Variants in ABCB5 observed in about 807,000 individuals in gnomAD.
ABCB5 encodes ATP-binding cassette sub-family B member 5.
A neutral mutation model predicts 144.2 loss-of-function variants in ABCB5; 155 were observed. The ratio of observed to expected loss-of-function variants is 1.08; its 90% CI spans 0.94 to 1.23. The LOEUF is 1.23. ABCB5 is among the 50% of genes most tolerant of loss of function. ABCB5 has a pLI of 0.00. For synonymous variants in ABCB5, 610 were observed against 528.6 expected (o/e 1.15, Z -2.11); for missense variants, 1,830 against 1,520.8 (o/e 1.20, Z -3.38).
At chr7:20,744,837 C>G (rs1396091642) in intron 25 of ABCB5, among the ~76,000 whole-genome samples, 1 of 151,828 alleles carries the variant, frequency 6.6e-6, no homozygotes, top group African/African-American at 2.4e-5. Context: ...CCACTATTTC[C>G]CTGGTACTGG....
At chr7:20,696,412 A>T (rs1786415391) in intron 16 of ABCB5, among the ~76,000 whole-genome samples, 3 of 152,108 alleles carry the variant, frequency 2.0e-5, no homozygotes, top group African/African-American at 7.2e-5. Flanking sequence ...AGGAGGAAGG[A>T]AGGAAGAGGA....
At chr7:20,726,393 AGTCTCACTCT>A (rs1190564852) in intron 21 of ABCB5, among the ~76,000 whole-genome samples, 2 of 127,950 alleles carry the variant, frequency 1.6e-5, no homozygotes, top group Admixed American at 1.8e-4. Flanking sequence ...GAGACAGAGA[AGTCTCACTCT>A]GTTGCCCAAG....
intron 5 of ABCB5, among the ~76,000 whole-genome samples, chr7:20,639,126 T>C (rs59623110): frequency 0.04 from 6,146 of 152,294 alleles, 392 homozygotes; most frequent in African/African-American, 0.14. Flanking sequence ...GAGCATTTAA[T>C]GTACTTTTTA....
intron 1 of ABCB5, among the ~76,000 whole-genome samples, chr7:20,622,292 C>T (rs1783818917): frequency 6.6e-6 from 1 of 152,078 alleles, no homozygotes; most frequent in Non-Finnish European, 1.5e-5. Flanking sequence ...ACATACATGT[C>T]AGATTACTGG....
At chr7:20,704,880 T>C in intron 20 of ABCB5, 73 bp downstream of exon 20, 1 of 1,244,732 alleles carries the variant, frequency 8.0e-7, no homozygotes, top group African/African-American at 1.5e-5. Flanking sequence ...CATGTGTCTG[T>C]GCATATATGT....
At chr7:20,657,840 T>G (rs1784860323) in intron 13 of ABCB5, among the ~76,000 whole-genome samples, 1 of 152,236 alleles carries the variant, frequency 6.6e-6, no homozygotes, top group South Asian at 2.1e-4. Flanking sequence ...AGAAAGAATA[T>G]TTAAATTTAT....
At chr7:20,666,293 G>C (rs185884211) in intron 14 of ABCB5, among the ~76,000 whole-genome samples, 1 of 152,132 alleles carries the variant, frequency 6.6e-6, no homozygotes. Context: ...TTGTGTTCTC[G>C]TAGGTTTTCT....
intron 16 of ABCB5, among the ~76,000 whole-genome samples, chr7:20,697,177 C>T (rs1786448150): frequency 6.6e-6 from 1 of 152,142 alleles, no homozygotes; most frequent in Non-Finnish European, 1.5e-5. Context: ...TGGATACAAT[C>T]AAATTATTAA....
intron 20 of ABCB5, among the ~76,000 whole-genome samples, chr7:20,716,887 G>T (rs1203969954): frequency 2.0e-5 from 3 of 152,042 alleles, no homozygotes; most frequent in Non-Finnish European, 4.4e-5. Flanking sequence ...AAAGCGTGCC[G>T]AACCCCAGCG....
At chr7:20,655,428 G>A (rs745713440) in intron 13 of ABCB5, among the ~76,000 whole-genome samples, 5 of 152,070 alleles carry the variant, frequency 3.3e-5, no homozygotes, top group African/African-American at 4.8e-5. Flanking sequence ...AGCTGAGATA[G>A]CACCACTGCA....
intron 13 of ABCB5, 98 bp from the exon 14 acceptor site, chr7:20,658,408 A>T: frequency 8.5e-7 from 1 of 1,170,260 alleles, no homozygotes; most frequent in Non-Finnish European, 1.2e-6. Context: ...AGTACTGATT[A>T]AGCTGATATT....
At chr7:20,616,035 C>A (rs1389258407) in intron 1 of ABCB5, among the ~76,000 whole-genome samples, 198 bp downstream of exon 1, 1 of 152,082 alleles carries the variant, frequency 6.6e-6, no homozygotes, top group Non-Finnish European at 1.5e-5. Context: ...CAATTCATAT[C>A]TTCTTTCTTT....
chr7:20,678,140 A>G (rs1785674007), intron 14 of ABCB5, among the ~76,000 whole-genome samples: 1 of 152,212 alleles, frequency 6.6e-6, no homozygotes. Flanking sequence ...ATATTTCTAC[A>G]TAGGTGTCTT....
Position 20,703,035 on chromosome 7 carries a change from C to A in ABCB5, c.2338-1689C>A, listed in dbSNP as rs190704401. ...AATTTCAGACATCTTGCCAACTGAACATCAGATAATGACTAAGATTAATCA... is the reference window on the plus strand; with the variant it reads ...AATTTCAGACATCTTGCCAACTGAAAATCAGATAATGACTAAGATTAATCA... On this transcript the variant is annotated intron_variant, in intron 19 of 27. Transcript: ENST00000404938. 3.5e-3 allele frequency among the ~76,000 whole-genome samples: 533 copies of A among 152,164 alleles called. 12 individuals are homozygous for A. The highest frequency in any genetic ancestry group is 0.03 in the Admixed American group (463 of 15,290).
chr7:20,640,932 T>C (rs1046300807), intron 5 of ABCB5, among the ~76,000 whole-genome samples: 2 of 152,120 alleles, frequency 1.3e-5, no homozygotes, highest in African/African-American at 2.4e-5. Context: ...TCACTAACAG[T>C]CCTTGGCCCT....
chr7:20,650,283 C>T, intron 12 of ABCB5, 136 bp downstream of exon 12: 2 of 1,167,282 alleles, frequency 1.7e-6, no homozygotes, highest in Non-Finnish European at 2.3e-6. Context: ...TCCTTTGTAT[C>T]CATTCACTCA....
chr7:20,724,186 C>CT (rs11421725), intron 21 of ABCB5, among the ~76,000 whole-genome samples: 42,273 of 136,782 alleles, frequency 0.31, 6,790 homozygotes, highest in Non-Finnish European at 0.38. Flanking sequence ...CCTTTTCTTT[C>CT]TTTTTTTCTT....
rs760700196 is a variant in ABCB5 at position 20,727,030 on chromosome 7, G to T, written c.2626-10G>T. On this transcript the variant is annotated splice_polypyrimidine_tract_variant and intron_variant, in intron 21 of 27. Transcript: ENST00000404938. ...TTTTATTTCTATATTGTATTGTCCT[G>T]TTTTATAAGATAGCAACTGAAGCTT... The T allele has an allele frequency of 3.1e-6, 5 of 1,595,144 alleles. No homozygotes were observed. Among genetic ancestry groups the T allele is most frequent in the Non-Finnish European group, 4.3e-6 (5 of 1,166,672 alleles).
At chr7:20,752,289 G>A (rs554476561) in intron 26 of ABCB5, among the ~76,000 whole-genome samples, 2 of 152,304 alleles carry the variant, frequency 1.3e-5, no homozygotes, top group South Asian at 4.1e-4. Context: ...CCACTAGAAA[G>A]CAATGTGAAG....
Sources: allele counts gnomAD v4.1 joint callset (sites outside exome capture counted in the v4.1 genomes callset), GRCh38; gene constraint gnomAD v4.1.1; transcripts MANE v1.5; gene names NCBI Gene and HGNC (gene_info 2026-07-23, HGNC 2026-07-21).